EFCAB7: variants seen among roughly 807,000 people sequenced by gnomAD.
EFCAB7 encodes the protein EF-hand calcium-binding domain-containing protein 7.
A neutral mutation model predicts 77.1 loss-of-function variants in EFCAB7; 66 were observed. That is an observed-to-expected ratio of 0.86 (90% CI 0.70 to 1.05). EFCAB7 has a LOEUF of 1.05. EFCAB7 is among the 50% of genes least tolerant of loss of function. The pLI, the probability that EFCAB7 is intolerant of heterozygous loss-of-function variation, is 0.00. For missense variants in EFCAB7, 638 were observed against 730.5 expected (o/e 0.87, Z 1.46); for synonymous variants, 225 against 243.3 (o/e 0.92, Z 0.70).
intron 9 of EFCAB7, among the ~76,000 whole-genome samples, chr1:63,556,545 AAAG>A (rs1397559244): frequency 2.0e-5 from 3 of 152,134 alleles, no homozygotes; most frequent in African/African-American, 7.2e-5. Flanking sequence ...AGAAAGGAAA[AAAG>A]AAGGGAACTA....
chr1:63,546,808 C>A (rs961322263), intron 7 of EFCAB7, among the ~76,000 whole-genome samples: 2 of 152,024 alleles, frequency 1.3e-5, no homozygotes, highest in African/African-American at 4.8e-5. Flanking sequence ...CCTTCAAAAC[C>A]CTTTGTCTGT....
intron 10 of EFCAB7, among the ~76,000 whole-genome samples, chr1:63,560,239 A>G (rs1018747780): frequency 1.4e-4 from 22 of 152,138 alleles, no homozygotes; most frequent in Admixed American, 6.5e-5. Context: ...GGCGTGAGCC[A>G]CTGCGCCTGG....
downstream of EFCAB7, among the ~76,000 whole-genome samples, chr1:63,575,119 TTTAAA>T (rs1271944166): frequency 6.6e-5 from 10 of 152,290 alleles, no homozygotes; most frequent in African/African-American, 2.2e-4. Flanking sequence ...AACATGCAGT[TTTAAA>T]TTATAGACTT....
At position 63,525,725 on chromosome 1, in the gene EFCAB7, G is replaced by A; in HGVS notation, c.153G>A (p.Leu51=). The change falls in exon 2 of 14, where the codon TTG becomes TTA. Residue 51 remains leucine, a synonymous_variant. Transcript: ENST00000371088. ...ACTTAACTGTCTTCAAAAGCAGCTT[G>A]GAAAACATTATTTCTAAAGATCAAC... is the stretch of plus-strand genomic sequence containing the variant. ...AAYLTVFKSS[L]ENIISKDQLY... The A allele has an allele frequency of 6.4e-7, 1 of 1,571,626 alleles. No individual in the cohort carries two copies. Among genetic ancestry groups the A allele is most frequent in the South Asian group, 1.2e-5 (1 of 82,550 alleles).
At chr1:63,568,554 A>G (rs773955204) in intron 12 of EFCAB7, 35 bp downstream of exon 12, 2 of 1,509,392 alleles carry the variant, frequency 1.3e-6, no homozygotes, top group Non-Finnish European at 1.8e-6. Flanking sequence ...TCATTTTGCT[A>G]CAAAGCTTAC....
rs1557666670 is a variant in EFCAB7, at chr1:63,525,633, A to G, written c.61A>G (p.Ser21Gly). 6.2e-7 allele frequency: 1 copy of G among 1,601,226 alleles called. No homozygotes were observed. Among genetic ancestry groups the G allele is most frequent in the East Asian group, 2.3e-5 (1 of 44,236 alleles). ...CAGTCAGAAATCAACACCTTCAGAG[A>G]GTCCTCGAACAAAGAAATTTCCACT... is the stretch of plus-strand genomic sequence containing the variant. Reference protein sequence around the residue: ...FSSQKSTPSESPRTKKFPLTE... With the variant: ...FSSQKSTPSEGPRTKKFPLTE... The change falls in exon 2 of 14, where the codon AGT becomes GGT. Residue 21 changes from serine (S) to glycine (G), a missense_variant. Physicochemically the swap from Ser to Gly is moderately conservative, Grantham distance 56 (BLOSUM62 0). Coordinates refer to ENST00000371088, the MANE Select transcript of EFCAB7 (RefSeq NM_032437.4).
chr1:63,570,919 T>G (rs1391731530), intron 12 of EFCAB7, 102 bp from the exon 13 acceptor site: 1 of 701,816 alleles, frequency 1.4e-6, no homozygotes, highest in Non-Finnish European at 2.3e-6. Context: ...TGTAGTGCAC[T>G]ATATGATGTT....
the EFCAB7 span, among the ~76,000 whole-genome samples, chr1:63,581,935 C>T: frequency 2.6e-5 from 4 of 152,104 alleles, no homozygotes; most frequent in African/African-American, 9.7e-5. Flanking sequence ...CATTCATAGT[C>T]GAGACAAACG....
intron 8 of EFCAB7, among the ~76,000 whole-genome samples, chr1:63,552,609 T>C (rs1481886170): frequency 6.6e-6 from 1 of 152,236 alleles, no homozygotes; most frequent in Non-Finnish European, 1.5e-5. Flanking sequence ...TCTTTTCTAA[T>C]AGTATATTTA....
intron 7 of EFCAB7, chr1:63,548,420 GTGTC>G (rs1164633640): frequency 7.9e-5 from 12 of 152,286 alleles, no homozygotes; most frequent in Admixed American, 3.3e-4. Context: ...GTTTGACTGT[GTGTC>G]TAGGTAGTTT....
chr1:63,571,101 A>G lies in EFCAB7; in HGVS notation c.1788A>G (p.Ala596=). Reference sequence around the variant, plus strand: ...ACAACAGAGGACTCAACATATTTGCAGTAGAAGTGGGACCCAAATCTACAA... The same window carrying G: ...ACAACAGAGGACTCAACATATTTGCGGTAGAAGTGGGACCCAAATCTACAA... ...CINNRGLNIF[A]VEVGPKSTMV... is the part of the protein sequence containing the mutation. The change falls in exon 13 of 14, where the codon GCA becomes GCG. Residue 596 remains alanine, a synonymous_variant. Coordinates refer to ENST00000371088, the MANE Select transcript of EFCAB7 (RefSeq NM_032437.4). 6.2e-7 allele frequency: 1 copy of G among 1,610,894 alleles called. No individual in the cohort carries two copies. Among genetic ancestry groups the G allele is most frequent in the Non-Finnish European group, 8.5e-7 (1 of 1,178,434 alleles).
In EFCAB7 at chr1:63,561,717, G is replaced by T. The variant is rs1289235330; in HGVS notation, c.1357G>T (p.Asp453Tyr). 6.3e-7 allele frequency: 1 copy of T among 1,580,892 alleles called. No homozygotes were observed. Among genetic ancestry groups the T allele is most frequent in the Non-Finnish European group, 8.6e-7 (1 of 1,166,478 alleles). ...DAWAVCRENFDTKRNELTRQG... is the reference protein window; with the variant it reads ...DAWAVCRENFYTKRNELTRQG... ...TTTGGTTGTTTAAACAGAGAATTTT[G>T]ATACAAAGAGGAATGAACTAACAAG... Residue 453 changes from aspartate to tyrosine, a missense_variant, in exon 11 of 14, where the codon GAT becomes TAT. Asp to Tyr is a radical substitution (Grantham distance 160). Transcript: ENST00000371088.
At chr1:63,524,566 A>G (rs1646546666) in intron 1 of EFCAB7, among the ~76,000 whole-genome samples, 1 of 152,214 alleles carries the variant, frequency 6.6e-6, no homozygotes, top group Non-Finnish European at 1.5e-5. Flanking sequence ...GTGTTATCTT[A>G]TTATTGAACT....
chr1:63,548,381 G>A (rs1221555883), intron 7 of EFCAB7: 2 of 152,152 alleles, frequency 1.3e-5, no homozygotes, highest in Non-Finnish European at 2.9e-5. Flanking sequence ...ATAAGGTCAA[G>A]ATTTTATCTT....
chr1:63,579,013 C>CT, the EFCAB7 span, among the ~76,000 whole-genome samples: 2 of 151,934 alleles, frequency 1.3e-5, no homozygotes, highest in Non-Finnish European at 2.9e-5. Flanking sequence ...AAAACGAGTA[C>CT]TTTTTTCCTG....
At chr1:63,563,051 G>A (rs1026057118) in intron 11 of EFCAB7, among the ~76,000 whole-genome samples, 3 of 152,148 alleles carry the variant, frequency 2.0e-5, no homozygotes, top group African/African-American at 7.2e-5. Context: ...GAGCCTAACA[G>A]TCAGTGACTC....
intron 2 of EFCAB7, among the ~76,000 whole-genome samples, chr1:63,528,931 T>C (rs1183671207): frequency 6.6e-6 from 1 of 151,792 alleles, no homozygotes; most frequent in East Asian, 1.9e-4. Context: ...CTTTGCACAC[T>C]AAGCCTTTTT....
At chr1:63,571,941 G>C (rs1647274932) in intron 13 of EFCAB7, among the ~76,000 whole-genome samples, 1 of 152,074 alleles carries the variant, frequency 6.6e-6, no homozygotes, top group African/African-American at 2.4e-5. Context: ...TGTAGTTCTG[G>C]TGTTAGCAGA....
chr1:63,558,836 C>T (rs143428350), intron 10 of EFCAB7, among the ~76,000 whole-genome samples: 1,904 of 151,698 alleles, frequency 0.013, 41 homozygotes, highest in African/African-American at 0.044. Flanking sequence ...GATCTCGGCT[C>T]ACTGCAAGCA....
Sources: gnomAD v4.1 joint callset for allele counts (sites outside exome capture counted in the v4.1 genomes callset) on GRCh38, gnomAD v4.1.1 for gene constraint, MANE v1.5 for transcripts, NCBI Gene and HGNC (gene_info 2026-07-23, HGNC 2026-07-21) for gene names.